PDE1C: variants seen among roughly 807,000 people sequenced by gnomAD.
The protein encoded by PDE1C is phosphodiesterase 1C, also known as dual specificity calcium/calmodulin-dependent 3',5'-cyclic nucleotide phosphodiesterase 1C.
A neutral mutation model predicts 93.1 loss-of-function variants in PDE1C; 62 were observed. The observed-to-expected ratio is 0.67, with a 90% CI of 0.54 to 0.82. The LOEUF (loss-of-function observed/expected upper bound fraction) is 0.82, where lower values mean the gene tolerates loss of function less well. PDE1C is among the 40% of genes least tolerant of loss of function. PDE1C has a pLI of 0.00. For synonymous variants in PDE1C, 325 were observed against 310.1 expected (o/e 1.05, Z -0.50); for missense variants, 742 against 884.6 (o/e 0.84, Z 2.04).
chr7:31,992,537 C>T (rs113352245), intron 2 of PDE1C, among the ~76,000 whole-genome samples: 13 of 152,260 alleles, frequency 8.5e-5, no homozygotes, highest in African/African-American at 2.9e-4. Context: ...AATGTGAATT[C>T]CCTTGATGTG....
intron 2 of PDE1C, among the ~76,000 whole-genome samples, chr7:32,004,097 AG>A (rs1785847696): frequency 6.6e-6 from 1 of 152,120 alleles, no homozygotes; most frequent in Non-Finnish European, 1.5e-5. Context: ...CAGCCAAGAC[AG>A]GTAATGAGGA....
At chr7:31,920,241 G>C (rs1414328599) in intron 2 of PDE1C, among the ~76,000 whole-genome samples, 1 of 152,146 alleles carries the variant, frequency 6.6e-6, no homozygotes, top group Non-Finnish European at 1.5e-5. Flanking sequence ...CCATAGGACA[G>C]GAGTCAATCC....
At chr7:32,320,058 A>C (rs979822148) in intron 1 of PDE1C, among the ~76,000 whole-genome samples, 4 of 152,174 alleles carry the variant, frequency 2.6e-5, no homozygotes, top group Non-Finnish European at 5.9e-5. Context: ...GGGCAACTTG[A>C]AGCCAATTCA....
At chr7:31,979,724 T>C (rs994464273) in intron 2 of PDE1C, among the ~76,000 whole-genome samples, 11 of 152,184 alleles carry the variant, frequency 7.2e-5, no homozygotes, top group African/African-American at 1.4e-4. Flanking sequence ...TCCAAGTGAA[T>C]GCTACTAGAA....
At chr7:32,143,448 C>T (rs1489012005) in intron 3 of PDE1C, among the ~76,000 whole-genome samples, 2 of 151,854 alleles carry the variant, frequency 1.3e-5, no homozygotes, top group African/African-American at 2.4e-5. Context: ...CTATGCAGGA[C>T]GCAGTGTCAC....
At chr7:32,209,624 G>A (rs1584964249) in intron 1 of PDE1C, 1 of 1,134,230 alleles carries the variant, frequency 8.8e-7, no homozygotes, top group East Asian at 2.6e-5. Flanking sequence ...TCCCCTGGAT[G>A]CTTTGACATC....
At chr7:32,114,228 A>G (rs1485708027) in intron 3 of PDE1C, among the ~76,000 whole-genome samples, 7 of 152,212 alleles carry the variant, frequency 4.6e-5, no homozygotes, top group Non-Finnish European at 1.0e-4. Context: ...ACTATACTAC[A>G]AGGCTATAGT....
Position 32,420,136 on chromosome 7 carries a change from C to T in PDE1C, c.310+7686G>A, listed in dbSNP as rs1485154361. Among the ~76,000 whole-genome samples, 52 of 26,250 alleles carry T rather than the reference C, an allele frequency of 2.0e-3. 1 individual carries two copies. The highest frequency in any genetic ancestry group is 2.3e-3 in the African/African-American group (23 of 9,964). The allele number at this position is 26,250 out of a possible 152,430, so 17.2% of individuals were successfully genotyped here. On this transcript the variant is annotated intron_variant, in intron 1 of 1. Transcript: ENST00000672256. ...ATATATATATATATACACACACACACACACACACACACACACACACACATA... is the reference window on the plus strand; with the variant it reads ...ATATATATATATATACACACACACATACACACACACACACACACACACATA...
intron 3 of PDE1C, among the ~76,000 whole-genome samples, chr7:32,161,337 T>TAAGA (rs2128798108): frequency 6.6e-6 from 1 of 152,284 alleles, no homozygotes; most frequent in Non-Finnish European, 1.5e-5. Context: ...AGAGCATCCT[T>TAAGA]GACATTGGGC....
chr7:31,878,950 G>T lies in PDE1C; in HGVS notation c.425+46C>A, dbSNP rs767484679. 3 of 1,560,106 alleles carry T rather than the reference G, an allele frequency of 1.9e-6. No individual in the cohort carries two copies. The South Asian group carries it at 3.4e-5, about 18-fold the overall frequency. On this transcript the variant is annotated intron_variant, in intron 4 of 17. Transcript: ENST00000396191. ...AGCTTCCAGTTATTGGAAACGTGTT[G>T]CTTTGGCTGCTTTAGTCACTAAATG...
At chr7:31,685,724 T>A in the PDE1C span, among the ~76,000 whole-genome samples, 1 of 151,980 alleles carries the variant, frequency 6.6e-6, no homozygotes, top group Non-Finnish European at 1.5e-5. Context: ...AAAATAAAAT[T>A]TAAAAAATGA....
intron 3 of PDE1C, among the ~76,000 whole-genome samples, chr7:32,124,507 T>TA (rs1255057413): frequency 1.3e-5 from 2 of 151,986 alleles, no homozygotes; most frequent in African/African-American, 2.4e-5. Context: ...AAAACACACA[T>TA]ATAGACCAAT....
chr7:32,317,481 T>C (rs1170430163), intron 1 of PDE1C, among the ~76,000 whole-genome samples: 1 of 152,142 alleles, frequency 6.6e-6, no homozygotes, highest in African/African-American at 2.4e-5. Context: ...TACCCTCTTC[T>C]GATGGCCTTT....
intron 2 of PDE1C, among the ~76,000 whole-genome samples, chr7:32,202,065 A>T (rs960013900): frequency 1.3e-5 from 2 of 152,204 alleles, no homozygotes; most frequent in African/African-American, 2.4e-5. Context: ...AGTGCTCTGA[A>T]CTTCCAAATG....
At chr7:32,079,842 A>G (rs1237018684) in intron 3 of PDE1C, among the ~76,000 whole-genome samples, 2 of 152,322 alleles carry the variant, frequency 1.3e-5, no homozygotes, top group Admixed American at 6.5e-5. Flanking sequence ...AAGCAATCAC[A>G]GAGCTAGCCC....
At chr7:31,749,566 G>C (rs1037988459), downstream of PDE1C, among the ~76,000 whole-genome samples, 13 of 152,026 alleles carry the variant, frequency 8.6e-5, no homozygotes, top group Admixed American at 2.6e-4. Context: ...TAGGGGGTGA[G>C]AAGTGGACCA....
chr7:32,218,827 T>G (rs1806625261), intron 1 of PDE1C, among the ~76,000 whole-genome samples: 1 of 152,178 alleles, frequency 6.6e-6, no homozygotes, highest in South Asian at 2.1e-4. Flanking sequence ...GATTTCAGGT[T>G]GACTCTACAG....
intron 11 of PDE1C, among the ~76,000 whole-genome samples, chr7:31,834,505 G>A (rs559542011): frequency 1.3e-5 from 2 of 152,284 alleles, no homozygotes; most frequent in African/African-American, 2.4e-5. Context: ...TCTTGCATCA[G>A]CATGACCTGG....
At chr7:31,715,825 C>T in the PDE1C span, among the ~76,000 whole-genome samples, 2 of 152,174 alleles carry the variant, frequency 1.3e-5, no homozygotes, top group African/African-American at 4.8e-5. Flanking sequence ...AGGTCTGAGA[C>T]TCATCAGTAC....
Sources: gnomAD v4.1 joint callset for allele counts (sites outside exome capture counted in the v4.1 genomes callset) on GRCh38, gnomAD v4.1.1 for gene constraint, MANE v1.5 for transcripts, NCBI Gene and HGNC (gene_info 2026-07-23, HGNC 2026-07-21) for gene names.